EYS: variants seen among roughly 807,000 people sequenced by gnomAD.
EYS encodes the protein protein eyes shut homolog.
EYS carries 250 observed loss-of-function variants against 282.1 expected under a neutral mutation model. The observed-to-expected ratio is 0.89, with a 90% CI of 0.80 to 0.98. EYS has a LOEUF of 0.98. Ranked by LOEUF, EYS falls within the 50% of genes least tolerant of loss-of-function variation. EYS has a pLI of 0.00. For missense variants in EYS, 4,016 were observed against 3,709.0 expected (o/e 1.08, Z -2.15); for synonymous variants, 1,355 against 1,282.9 (o/e 1.06, Z -1.20).
chr6:64,135,058 C>T (rs898790286), intron 31 of EYS, among the ~76,000 whole-genome samples: 24 of 152,028 alleles, frequency 1.6e-4, no homozygotes, highest in Non-Finnish European at 2.2e-4. Flanking sequence ...CCTGTGGTAT[C>T]TCTGGGATAT....
chr6:64,343,410 A>G (rs4296878), intron 29 of EYS, among the ~76,000 whole-genome samples: 5,558 of 152,162 alleles, frequency 0.037, 125 homozygotes, highest in Non-Finnish European at 0.059. Context: ...AACTCACTCA[A>G]AACTGCTCAA....
intron 5 of EYS, among the ~76,000 whole-genome samples, chr6:65,451,286 G>T (rs1764387741): frequency 6.6e-6 from 1 of 151,946 alleles, no homozygotes; most frequent in Non-Finnish European, 1.5e-5. Flanking sequence ...TAGCACATTT[G>T]GGGATAAATG....
chr6:64,397,107 CTCTT>C (rs948144742), intron 28 of EYS, among the ~76,000 whole-genome samples: 18 of 151,898 alleles, frequency 1.2e-4, no homozygotes, highest in African/African-American at 2.9e-4. Flanking sequence ...AATTAAATAT[CTCTT>C]TCTTTCTCTC....
At chr6:64,093,157 C>T (rs927423491) in intron 31 of EYS, among the ~76,000 whole-genome samples, 1 of 151,900 alleles carries the variant, frequency 6.6e-6, no homozygotes, top group Non-Finnish European at 1.5e-5. Context: ...GTTACTGTAG[C>T]CTTGTAGGAT....
At chr6:65,701,642 T>G (rs1769679354) in intron 1 of EYS, among the ~76,000 whole-genome samples, 2 of 152,200 alleles carry the variant, frequency 1.3e-5, no homozygotes, top group South Asian at 4.1e-4. Context: ...CTTTTATTAT[T>G]TATTATTTTC....
At chr6:64,067,747 T>C (rs1405378541) in intron 32 of EYS, among the ~76,000 whole-genome samples, 1 of 152,190 alleles carries the variant, frequency 6.6e-6, no homozygotes, top group African/African-American at 2.4e-5. Context: ...CAGGTGGATC[T>C]TGGAATGTAT....
At chr6:63,857,525 A>G (rs921313906) in intron 36 of EYS, 1 of 261,350 alleles carries the variant, frequency 3.8e-6, no homozygotes, top group Non-Finnish European at 7.9e-6. Context: ...TTTCTCTGAC[A>G]TGCACGCAAT....
intron 35 of EYS, among the ~76,000 whole-genome samples, chr6:63,940,644 G>A (rs189170723): frequency 1.3e-5 from 2 of 151,838 alleles, no homozygotes; most frequent in Non-Finnish European, 2.9e-5. Context: ...GAAAATCATT[G>A]AGGAGAAAGG....
chr6:63,778,057 A>G lies in EYS; in HGVS notation c.7847T>C (p.Leu2616Ser). Residue 2616 changes from leucine to serine, a missense_variant, in exon 40 of 43, where the codon TTA (leucine) becomes TCA (serine). Physicochemically the swap from Leu to Ser is moderately radical, Grantham distance 145 (BLOSUM62 -2). Transcript: ENST00000503581. ...TGTCCCACCATTGCCACATTTCATT[A>G]AACTGCAGGGAGAAGCATGACACTG... ...VGQCHASPCS[L>S]MKCGNGGTCI... 6.4e-7 allele frequency: 1 copy of G among 1,551,714 alleles called. No homozygotes were observed. The highest frequency in any genetic ancestry group is 8.7e-7 in the Non-Finnish European group (1 of 1,146,958).
intron 12 of EYS, among the ~76,000 whole-genome samples, chr6:65,283,305 C>A (rs1248605648): frequency 6.6e-6 from 1 of 151,746 alleles, no homozygotes; most frequent in African/African-American, 2.4e-5. Flanking sequence ...TATTTCAGCT[C>A]ATGATGTTAA....
intron 8 of EYS, among the ~76,000 whole-genome samples, chr6:65,370,202 T>G (rs1402996416): frequency 6.6e-6 from 1 of 151,258 alleles, no homozygotes; most frequent in African/African-American, 2.4e-5. Context: ...TCTTTCTTTC[T>G]TTCCCTCCCT....
rs546498389 is a variant in EYS, at chr6:64,918,770, A to G, written c.2382-6027T>C. Among the ~76,000 whole-genome samples, 4 of 152,310 alleles carry G rather than the reference A, an allele frequency of 2.6e-5. No homozygotes were observed. The South Asian group carries it at 6.2e-4, about 24-fold the overall frequency. ...ATCAGGTAGGAGACAGATGACAACGATGGAAATAGAAGAAAATAAGATGGC... is the reference window on the plus strand; with the variant it reads ...ATCAGGTAGGAGACAGATGACAACGGTGGAAATAGAAGAAAATAAGATGGC... On this transcript the variant is annotated intron_variant, in intron 15 of 42. Coordinates refer to ENST00000503581, the MANE Select transcript of EYS (RefSeq NM_001142800.2).
chr6:64,281,191 G>T (rs1040840187), intron 30 of EYS, among the ~76,000 whole-genome samples: 2 of 151,990 alleles, frequency 1.3e-5, no homozygotes, highest in African/African-American at 4.8e-5. Context: ...GTTAATCTCT[G>T]ATCAGAAGGG....
At chr6:63,863,668 CTTTTTTCTTT>C (rs1772595563) in intron 36 of EYS, among the ~76,000 whole-genome samples, 7 of 69,330 alleles carry the variant, frequency 1.0e-4, no homozygotes, top group African/African-American at 2.9e-4. Flanking sequence ...CTTTTCTTTT[CTTTTTTCTTT>C]TTTTTTTTTT....
At chr6:63,737,299 T>G (rs1328204151) in intron 41 of EYS, among the ~76,000 whole-genome samples, 3 of 148,054 alleles carry the variant, frequency 2.0e-5, no homozygotes, top group Non-Finnish European at 3.0e-5. Flanking sequence ...TAGCATGAAG[T>G]GTTGTTGAAT....
At chr6:64,632,013 G>C (rs1767799989) in intron 22 of EYS, among the ~76,000 whole-genome samples, 1 of 151,556 alleles carries the variant, frequency 6.6e-6, no homozygotes, top group African/African-American at 2.4e-5. Context: ...GCTGGGCTTT[G>C]ATAATATAAT....
At chr6:65,451,703 GT>G (rs1484118419) in intron 5 of EYS, among the ~76,000 whole-genome samples, 1 of 151,676 alleles carries the variant, frequency 6.6e-6, no homozygotes, top group Non-Finnish European at 1.5e-5. Context: ...GAAACACACT[GT>G]TTTTTTAATT....
chr6:63,767,846 A>C (rs889318574), intron 40 of EYS, among the ~76,000 whole-genome samples: 6 of 152,178 alleles, frequency 3.9e-5, no homozygotes, highest in Admixed American at 3.9e-4. Context: ...TACAGTAACC[A>C]AAATAGCATG....
At chr6:64,968,334 T>C (rs898686337) in intron 14 of EYS, among the ~76,000 whole-genome samples, 2 of 152,192 alleles carry the variant, frequency 1.3e-5, no homozygotes, top group East Asian at 1.9e-4. Context: ...CCTTGAAAAC[T>C]ATGGCAATTT....
Sources: gnomAD v4.1 joint callset for allele counts (sites outside exome capture counted in the v4.1 genomes callset) on GRCh38, gnomAD v4.1.1 for gene constraint, MANE v1.5 for transcripts, NCBI Gene and HGNC (gene_info 2026-07-23, HGNC 2026-07-21) for gene names.